HIRA: variants seen among roughly 807,000 people sequenced by gnomAD.
The protein encoded by HIRA is protein HIRA.
A neutral mutation model predicts 126.6 loss-of-function variants in HIRA; 13 were observed. That is an observed-to-expected ratio of 0.10 (90% CI 0.07 to 0.16). HIRA has a LOEUF of 0.16. Among genes scored for constraint, HIRA ranks in the 10% least tolerant of loss-of-function variants. The pLI, the probability that HIRA is intolerant of heterozygous loss-of-function variation, is 1.00. For missense variants in HIRA, 834 were observed against 1,314.4 expected, an observed-to-expected ratio of 0.63 and a Z score of 5.65; for synonymous variants, 511 against 520.0, an observed-to-expected ratio of 0.98 and a Z score of 0.24.
intron 24 of HIRA, among the ~76,000 whole-genome samples, chr22:19,337,090 G>A (rs890502226): frequency 6.6e-6 from 1 of 151,942 alleles, no homozygotes; most frequent in Non-Finnish European, 1.5e-5. Flanking sequence ...AGAACTTTTT[G>A]GCTTTTTCTT....
At chr22:19,401,287 T>C (rs918737297) in intron 5 of HIRA, among the ~76,000 whole-genome samples, 3 of 152,154 alleles carry the variant, frequency 2.0e-5, no homozygotes, top group African/African-American at 7.2e-5. Context: ...AAATACTCTC[T>C]TCACTGTCCG....
chr22:19,400,264 T>A (rs2089257209), intron 5 of HIRA, among the ~76,000 whole-genome samples: 2 of 152,208 alleles, frequency 1.3e-5, no homozygotes, highest in Admixed American at 1.3e-4. Flanking sequence ...TTTTTCCTTG[T>A]GTAGTTATTT....
intron 12 of HIRA, among the ~76,000 whole-genome samples, chr22:19,384,748 G>A (rs949859314): frequency 2.6e-5 from 4 of 151,604 alleles, no homozygotes; most frequent in Admixed American, 6.6e-5. Context: ...TCTGCTTCCC[G>A]GGTTTAAGCA....
At chr22:19,372,058 GC>G (rs2088971071) in intron 15 of HIRA, among the ~76,000 whole-genome samples, 1 of 152,168 alleles carries the variant, frequency 6.6e-6, no homozygotes, top group African/African-American at 2.4e-5. Flanking sequence ...TTCCAAAGGT[GC>G]TAAAAGACTT....
chr22:19,396,107 C>T (rs911091221), intron 7 of HIRA, among the ~76,000 whole-genome samples: 1 of 152,288 alleles, frequency 6.6e-6, no homozygotes, highest in African/African-American at 2.4e-5. Context: ...AGCTGCTCTG[C>T]GGGAGGCTCA....
intron 6 of HIRA, 143 bp from the exon 7 acceptor site, chr22:19,397,090 C>G: frequency 1.4e-6 from 1 of 698,356 alleles, no homozygotes; most frequent in Non-Finnish European, 2.4e-6. Context: ...GCAGAAGGGC[C>G]TCCTCATTTG....
chr22:19,424,657 A>G (rs1434144707), intron 1 of HIRA, among the ~76,000 whole-genome samples: 1 of 151,622 alleles, frequency 6.6e-6, no homozygotes, highest in Non-Finnish European at 1.5e-5. Flanking sequence ...AGCAAATTAG[A>G]AAGAGTAAGT....
intron 24 of HIRA, among the ~76,000 whole-genome samples, chr22:19,346,682 C>A (rs782584343): frequency 6.6e-6 from 1 of 152,146 alleles, no homozygotes; most frequent in African/African-American, 2.4e-5. Context: ...TCTGGGAGAG[C>A]GTTTCTTTTC....
chr22:19,412,414 T>C (rs148161811), intron 1 of HIRA, among the ~76,000 whole-genome samples: 2 of 152,354 alleles, frequency 1.3e-5, no homozygotes, highest in African/African-American at 2.4e-5. Context: ...AAAACTGTTA[T>C]TGGTTTAAGC....
chr22:19,379,832 C>T (rs1157523349), intron 13 of HIRA, among the ~76,000 whole-genome samples: 1 of 151,050 alleles, frequency 6.6e-6, no homozygotes, highest in African/African-American at 2.4e-5. Context: ...TTTTTTGAGA[C>T]GAAGTCTCGC....
intron 22 of HIRA, 76 bp downstream of exon 22, chr22:19,353,920 G>T (rs1729408634): frequency 1.3e-5 from 20 of 1,532,776 alleles, no homozygotes; most frequent in Non-Finnish European, 1.7e-5. Context: ...CCTGGGCAGG[G>T]ACTGTGCGTG....
At chr22:19,409,375 G>A (rs1241257166) in intron 2 of HIRA, among the ~76,000 whole-genome samples, 2 of 151,058 alleles carry the variant, frequency 1.3e-5, no homozygotes, top group East Asian at 2.0e-4. Context: ...CCTCCGCCTC[G>A]CAGGTTCCAG....
chr22:19,385,370 TG>T, intron 12 of HIRA, 150 bp downstream of exon 12: 2 of 681,012 alleles, frequency 2.9e-6, no homozygotes, highest in Non-Finnish European at 2.5e-6. Context: ...CATGCAGCAG[TG>T]GGCAAGGGGC....
chr22:19,384,898 C>T (rs1248156564), intron 12 of HIRA, among the ~76,000 whole-genome samples: 3 of 151,978 alleles, frequency 2.0e-5, no homozygotes, highest in Non-Finnish European at 4.4e-5. Flanking sequence ...AAGTGATCCG[C>T]CTGCCTCAGC....
intron 15 of HIRA, among the ~76,000 whole-genome samples, chr22:19,373,110 T>G (rs868424697): frequency 6.6e-6 from 1 of 152,248 alleles, no homozygotes; most frequent in African/African-American, 2.4e-5. Flanking sequence ...CAAGGTCACA[T>G]AGATTTCTAT....
chr22:19,365,069 T>A (rs1311064740), intron 15 of HIRA, among the ~76,000 whole-genome samples: 2 of 152,172 alleles, frequency 1.3e-5, no homozygotes, highest in Non-Finnish European at 2.9e-5. Context: ...AAAGCAAGGC[T>A]CTAACTATTT....
At chr22:19,362,287 G>A (rs2088871139) in intron 15 of HIRA, among the ~76,000 whole-genome samples, 1 of 152,148 alleles carries the variant, frequency 6.6e-6, no homozygotes, top group South Asian at 2.1e-4. Context: ...ATTCCCAACT[G>A]ATCTGAGAGA....
At chr22:19,409,044 C>G (rs1282216573) in intron 2 of HIRA, among the ~76,000 whole-genome samples, 1 of 152,208 alleles carries the variant, frequency 6.6e-6, no homozygotes, top group Non-Finnish European at 1.5e-5. Context: ...AAAGCACACC[C>G]TAGTGGGGTT....
In HIRA at chr22:19,402,868, G is replaced by A. The variant is rs145791354; in HGVS notation, c.397+2918C>T. ...TGCCTGTAATCCCAGCACTTTGGAA[G>A]ATGCAGGTGGGAGGATCGCTTGAGC... is the stretch of plus-strand genomic sequence containing the variant. On this transcript the variant is annotated intron_variant, in intron 5 of 24. Transcript: ENST00000263208. 1.5e-3 allele frequency among the ~76,000 whole-genome samples: 228 copies of A among 152,246 alleles called. 2 individuals are homozygous for A. The East Asian group carries it at 0.031, about 21-fold the overall frequency.
Sources: allele counts gnomAD v4.1 joint callset (sites outside exome capture counted in the v4.1 genomes callset), GRCh38; gene constraint gnomAD v4.1.1; transcripts MANE v1.5; gene names NCBI Gene and HGNC (gene_info 2026-07-23, HGNC 2026-07-21).